ORC4: variants seen among roughly 807,000 people sequenced by gnomAD.
The protein encoded by ORC4 is origin recognition complex, subunit 4 homolog.
ORC4 carries 55 observed loss-of-function variants against 63.9 expected under a neutral mutation model. That is an observed-to-expected ratio of 0.86 (90% CI 0.69 to 1.08). The LOEUF is 1.08. Ranked by LOEUF, ORC4 falls within the 50% of genes least tolerant of loss-of-function variation. The pLI is 0.00. For synonymous variants in ORC4, 150 were observed against 168.5 expected (o/e 0.89, Z 0.85); for missense variants, 511 against 504.4 (o/e 1.01, Z -0.13).
intron 1 of ORC4, among the ~76,000 whole-genome samples, chr2:147,984,190 C>G (rs1382505220): frequency 6.6e-6 from 1 of 152,028 alleles, no homozygotes; most frequent in Admixed American, 6.6e-5. Flanking sequence ...GTCTTGTCTC[C>G]CCTTCTACCT....
chr2:147,948,754 C>G (rs1688790676), intron 8 of ORC4, among the ~76,000 whole-genome samples: 1 of 150,702 alleles, frequency 6.6e-6, no homozygotes, highest in Admixed American at 6.6e-5. Flanking sequence ...ATCAAATTTA[C>G]TGTCAAAGAA....
chr2:147,962,141 G>A (rs1451413870), intron 4 of ORC4, among the ~76,000 whole-genome samples: 3 of 152,054 alleles, frequency 2.0e-5, no homozygotes, highest in Admixed American at 6.5e-5. Context: ...CCTGCACCCC[G>A]ATCAAATCTT....
chr2:147,983,970 G>A (rs1691042762), intron 1 of ORC4, among the ~76,000 whole-genome samples: 1 of 152,176 alleles, frequency 6.6e-6, no homozygotes. Flanking sequence ...AAAACAAACT[G>A]ACATTAGACA....
intron 4 of ORC4, among the ~76,000 whole-genome samples, chr2:147,962,722 G>A (rs1475491354): frequency 6.6e-6 from 1 of 152,078 alleles, no homozygotes; most frequent in Non-Finnish European, 1.5e-5. Context: ...CCAAGCAGCT[G>A]ATACACCCCT....
chr2:147,931,753 A>T lies in ORC4; in HGVS notation c.*3757T>A, dbSNP rs1244951185. 3.9e-5 allele frequency: 6 copies of T among 152,114 alleles called. No homozygotes were observed. Among genetic ancestry groups the T allele is most frequent in the Non-Finnish European group, 7.3e-5 (5 of 68,038 alleles). The allele number at this position is 152,114 out of a possible 1,614,324, so 9.4% of individuals were successfully genotyped here. ...CAGAAAAAGCCTTTGACAAAATTCA[A>T]CAACCCTTCATGCTAAAAACTCTCA... On this transcript the variant is annotated 3_prime_UTR_variant, in exon 14 of 14. Coordinates refer to ENST00000392857, the MANE Select transcript of ORC4 (RefSeq NM_181741.4).
At chr2:147,962,183 GA>G (rs2105324418) in intron 4 of ORC4, among the ~76,000 whole-genome samples, 1 of 152,242 alleles carries the variant, frequency 6.6e-6, no homozygotes, top group Admixed American at 6.5e-5. Flanking sequence ...CCGTTCTGGG[GA>G]AAAGGTAAGC....
chr2:148,002,681 C>T (rs1319747569), intron 1 of ORC4, among the ~76,000 whole-genome samples: 3 of 151,768 alleles, frequency 2.0e-5, no homozygotes, highest in Non-Finnish European at 4.4e-5. Context: ...AAACCAACAC[C>T]CTTACATCAC....
intron 13 of ORC4, among the ~76,000 whole-genome samples, chr2:147,937,499 A>G (rs1029507175): frequency 6.6e-6 from 1 of 152,220 alleles, no homozygotes; most frequent in Non-Finnish European, 1.5e-5. Flanking sequence ...TATAATGTAC[A>G]CCAAATGTTA....
intron 1 of ORC4, among the ~76,000 whole-genome samples, chr2:147,981,699 A>C (rs1292529632): frequency 6.6e-6 from 1 of 150,726 alleles, no homozygotes; most frequent in Non-Finnish European, 1.5e-5. Context: ...TTTATTCATC[A>C]ATTAGAAAAA....
At chr2:147,989,668 A>C (rs1199867399) in intron 1 of ORC4, among the ~76,000 whole-genome samples, 2 of 152,124 alleles carry the variant, frequency 1.3e-5, no homozygotes, top group Non-Finnish European at 2.9e-5. Context: ...GATCGCCAAC[A>C]CTGCACTCCC....
At chr2:147,960,842 T>C (rs1198000848) in intron 4 of ORC4, among the ~76,000 whole-genome samples, 4 of 152,154 alleles carry the variant, frequency 2.6e-5, no homozygotes, top group African/African-American at 4.8e-5. Context: ...TGAGCTATGA[T>C]TGAGCCGCTG....
intron 1 of ORC4, among the ~76,000 whole-genome samples, chr2:147,982,968 T>C (rs1361845350): frequency 1.3e-5 from 2 of 152,152 alleles, no homozygotes; most frequent in Non-Finnish European, 2.9e-5. Context: ...CAAATAAGCA[T>C]ATGCAAAGAT....
intron 1 of ORC4, among the ~76,000 whole-genome samples, chr2:148,008,771 C>G (rs535141938): frequency 8.1e-4 from 124 of 152,294 alleles, no homozygotes; most frequent in Non-Finnish European, 1.2e-3. Flanking sequence ...GGGCCACATA[C>G]GTCAGGGATT....
chr2:147,995,978 C>T (rs1160348253), intron 1 of ORC4, among the ~76,000 whole-genome samples: 12 of 148,832 alleles, frequency 8.1e-5, no homozygotes, highest in African/African-American at 1.5e-4. Flanking sequence ...CCAGCCTGGG[C>T]GACAGAGCAA....
chr2:147,974,284 A>G (rs952427048), intron 2 of ORC4, among the ~76,000 whole-genome samples: 2 of 152,130 alleles, frequency 1.3e-5, no homozygotes, highest in African/African-American at 4.8e-5. Flanking sequence ...CTAAATTTTA[A>G]TTTCTGTATC....
intron 4 of ORC4, among the ~76,000 whole-genome samples, chr2:147,970,145 C>A (rs999592824): frequency 6.6e-6 from 1 of 152,008 alleles, no homozygotes; most frequent in African/African-American, 2.4e-5. Context: ...AGGTATAAAT[C>A]TAACGAAACA....
At chr2:147,956,582 T>C (rs538581148) in intron 6 of ORC4, among the ~76,000 whole-genome samples, 1 of 152,242 alleles carries the variant, frequency 6.6e-6, no homozygotes, top group African/African-American at 2.4e-5. Flanking sequence ...AACCTAATTA[T>C]GCTCTCTGAG....
chr2:147,945,852 A>C (rs1250661837), intron 9 of ORC4, among the ~76,000 whole-genome samples: 1 of 152,070 alleles, frequency 6.6e-6, no homozygotes, highest in Admixed American at 6.6e-5. Context: ...TCCACAAGGC[A>C]GGGACTCTGA....
intron 4 of ORC4, chr2:147,960,179 C>T: frequency 2.7e-6 from 2 of 748,912 alleles, no homozygotes; most frequent in African/African-American, 3.8e-5. Flanking sequence ...ATAATACCTT[C>T]CATTTTATAT....
Sources: allele counts gnomAD v4.1 joint callset (sites outside exome capture counted in the v4.1 genomes callset), GRCh38; gene constraint gnomAD v4.1.1; transcripts MANE v1.5; gene names NCBI Gene and HGNC (gene_info 2026-07-23, HGNC 2026-07-21).